The following OR52N4 variants were observed in gnomAD, a reference collection of about 807,000 sequenced individuals.
OR52N4 encodes the protein olfactory receptor family 52 subfamily N member 4.
In OR52N4, 15 loss-of-function variants were observed where a neutral mutation model predicts 15.0. The observed-to-expected ratio is 1.00, with a 90% confidence interval of 0.67 to 1.54. The LOEUF is 1.54. OR52N4 is among the 40% of genes most tolerant of loss of function. OR52N4 has a pLI of 0.00. For synonymous variants in OR52N4, 143 were observed against 143.7 expected, an observed-to-expected ratio of 1.00 and a Z score of 0.03; for missense variants, 421 against 394.0, an observed-to-expected ratio of 1.07 and a Z score of -0.58.
chr11:5,737,563 T>G, the OR52N4 span: 4 of 1,372,844 alleles, frequency 2.9e-6, no homozygotes, highest in African/African-American at 5.8e-5. Flanking sequence ...AGAGGATAAA[T>G]GAGTAAGTGA....
chr11:5,736,830 A>C, the OR52N4 span: 3 of 1,613,906 alleles, frequency 1.9e-6, no homozygotes. Flanking sequence ...AGCCTCCCTG[A>C]GTGCTTTGCT....
In OR52N4 at chr11:5,755,176, G is replaced by A. The variant is rs771852143; in HGVS notation, c.436G>A (p.Val146Ile). The change falls in exon 2 of 2, where the codon GTT becomes ATT. Residue 146 changes from valine (V) to isoleucine (I), a missense_variant. Coordinates refer to ENST00000641350, the MANE Select transcript of OR52N4 (RefSeq NM_001005175.5). ...TILTNPVIAK[V>I]GTATFLRGVL... is the part of the protein sequence containing the mutation. Reference sequence around the variant, plus strand: ...CCTCACCAATCCTGTAATTGCAAAGGTTGGGACTGCCACCTTCCTGAGAGG... The same window carrying A: ...CCTCACCAATCCTGTAATTGCAAAGATTGGGACTGCCACCTTCCTGAGAGG... The A allele has an allele frequency of 1.4e-5, 23 of 1,614,008 alleles. No individual in the cohort carries two copies. The highest frequency in any genetic ancestry group is 1.8e-5 in the Non-Finnish European group (21 of 1,179,966).
the OR52N4 span, among the ~76,000 whole-genome samples, chr11:5,746,845 A>T: frequency 6.6e-6 from 1 of 152,128 alleles, no homozygotes; most frequent in Non-Finnish European, 1.5e-5. Context: ...CATAAAAAAG[A>T]TATCTGCATT....
the OR52N4 span, among the ~76,000 whole-genome samples, chr11:5,733,719 C>T: frequency 0.037 from 5,607 of 152,218 alleles, 105 homozygotes; most frequent in Middle Eastern, 0.092. Flanking sequence ...ACATGTTTTT[C>T]AAACACAGAC....
upstream of OR52N4, among the ~76,000 whole-genome samples, chr11:5,751,115 C>T (rs892497748): frequency 3.3e-5 from 5 of 151,962 alleles, no homozygotes; most frequent in African/African-American, 1.2e-4. Flanking sequence ...GTGATCTTGA[C>T]TTGAGTGTTT....
the OR52N4 span, among the ~76,000 whole-genome samples, chr11:5,732,402 T>A: frequency 6.6e-6 from 1 of 152,214 alleles, no homozygotes; most frequent in Admixed American, 6.5e-5. Context: ...TGACTTTTTC[T>A]TATGCACTCC....
the OR52N4 span, among the ~76,000 whole-genome samples, chr11:5,748,555 A>G: frequency 2.6e-5 from 4 of 152,020 alleles, no homozygotes; most frequent in East Asian, 1.9e-4. Context: ...CTCTCACTTG[A>G]AAAAGTAAAA....
the OR52N4 span, among the ~76,000 whole-genome samples, chr11:5,729,598 A>T: frequency 5.9e-5 from 9 of 152,316 alleles, no homozygotes; most frequent in South Asian, 1.9e-3. Context: ...ACGTTTCTAA[A>T]GTGTATTGTA....
chr11:5,755,519 C>T lies in OR52N4; in HGVS notation c.779C>T (p.Ser260Phe), dbSNP rs201339758. The change falls in exon 2 of 2, where the codon TCC (serine) becomes TTC (phenylalanine). Residue 260 changes from serine (S) to phenylalanine (F), a missense_variant. Physicochemically the swap from Ser to Phe is radical, Grantham distance 155. Transcript: ENST00000641350. ...IVFSYTPAFF[S>F]FFSHRFGEHI... ...TTCTCCTATACTCCAGCTTTCTTCTCCTTCTTTTCCCACCGCTTTGGGGAA... is the reference window on the plus strand; with the variant it reads ...TTCTCCTATACTCCAGCTTTCTTCTTCTTCTTTTCCCACCGCTTTGGGGAA... The T allele has an allele frequency of 1.0e-3, 1,635 of 1,613,782 alleles. 3 individuals are homozygous for T. The highest frequency in any genetic ancestry group is 1.3e-3 in the Non-Finnish European group (1,493 of 1,179,838).
At chr11:5,749,642 A>G (rs1051197213), upstream of OR52N4, among the ~76,000 whole-genome samples, 1 of 151,922 alleles carries the variant, frequency 6.6e-6, no homozygotes, top group East Asian at 1.9e-4. Flanking sequence ...TATTTCCTGG[A>G]AAGACTGAGA....
the OR52N4 span, among the ~76,000 whole-genome samples, chr11:5,739,445 C>G: frequency 8.3e-6 from 1 of 120,666 alleles, no homozygotes; most frequent in African/African-American, 3.0e-5. Context: ...GCTGATAGTC[C>G]CAGATACTCG....
At chr11:5,737,363 C>G in the OR52N4 span, 2 of 1,613,966 alleles carry the variant, frequency 1.2e-6, no homozygotes, top group Admixed American at 1.7e-5. Flanking sequence ...GATTCCAGTT[C>G]TACTTAATGT....
At chr11:5,729,357 T>TGA in the OR52N4 span, among the ~76,000 whole-genome samples, 1 of 152,004 alleles carries the variant, frequency 6.6e-6, no homozygotes. Flanking sequence ...CCTGACCTTG[T>TGA]GATCCGCCTG....
chr11:5,731,738 T>A, the OR52N4 span, among the ~76,000 whole-genome samples: 1 of 152,084 alleles, frequency 6.6e-6, no homozygotes, highest in African/African-American at 2.4e-5. Context: ...TCATCACCCC[T>A]CCTTTTTTCA....
the OR52N4 span, among the ~76,000 whole-genome samples, chr11:5,733,865 T>C: frequency 6.6e-6 from 1 of 152,210 alleles, no homozygotes. Context: ...TTCTCACCTT[T>C]ATAGGTCCAT....
chr11:5,736,326 A>T, the OR52N4 span: 1 of 588,020 alleles, frequency 1.7e-6, no homozygotes, highest in Non-Finnish European at 3.0e-6. Context: ...ATTATTAGTT[A>T]ATAAACCTCT....
the OR52N4 span, chr11:5,737,637 C>CA: frequency 4.1e-5 from 28 of 679,572 alleles, no homozygotes; most frequent in Admixed American, 6.5e-4. Context: ...AGAAAAGATA[C>CA]AAAAAATCAC....
In OR52N4 at chr11:5,754,673, G is replaced by GT. The variant is rs34221828; in HGVS notation, c.-48-9dup. On this transcript the variant is annotated intron_variant, in intron 1 of 1. Transcript: ENST00000641350. Reference sequence around the variant, plus strand: ...GTAAAAATAACCTATATTTTCTCTTGTTTTTTTTTTTAACTCTAGGAAAGC... The same window carrying GT: ...GTAAAAATAACCTATATTTTCTCTTGTTTTTTTTTTTTAACTCTAGGAAAGC... 36,568 of 1,130,788 alleles carry GT rather than the reference G, an allele frequency of 0.032. 3 individuals are homozygous for GT. Among genetic ancestry groups the GT allele is most frequent in the South Asian group, 0.052 (2,882 of 55,450 alleles). 70.0% of individuals were successfully genotyped at this position (1,130,788 alleles called of 1,614,324 possible).
At chr11:5,736,878 CTGGTATCCTACTCTGCA>C in the OR52N4 span, 3 of 1,613,890 alleles carry the variant, frequency 1.9e-6, no homozygotes, top group Admixed American at 3.3e-5. Context: ...GGCATGGAGT[CTGGTATCCTACTCTGCA>C]TGGCTTTTGA....
Sources: allele counts gnomAD v4.1 joint callset (sites outside exome capture counted in the v4.1 genomes callset), GRCh38; gene constraint gnomAD v4.1.1; transcripts MANE v1.5; gene names NCBI Gene and HGNC (gene_info 2026-07-23, HGNC 2026-07-21).